The following LYPD8 variants were observed in gnomAD, a reference collection of about 807,000 sequenced individuals.
LYPD8 encodes the protein ly6/PLAUR domain-containing protein 8.
Under a neutral mutation model 1.7 loss-of-function variants are expected in LYPD8, and 8 were observed. The ratio of observed to expected loss-of-function variants is 4.58; its 90% CI spans 2.69 to 8.27. The LOEUF is 8.27. Among genes scored for constraint, LYPD8 ranks in the 30% most tolerant of loss-of-function variants. The pLI, the probability that LYPD8 is intolerant of heterozygous loss-of-function variation, is 0.00. For missense variants in LYPD8, 112 were observed against 102.3 expected (o/e 1.09, Z -0.41); for synonymous variants, 50 against 43.6 (o/e 1.15, Z -0.58).
At chr1:248,753,557 C>T (rs1427103246) in intron 2 of LYPD8, among the ~76,000 whole-genome samples, 15 of 107,978 alleles carry the variant, frequency 1.4e-4, no homozygotes, top group African/African-American at 5.6e-4. Flanking sequence ...CAAAACACAT[C>T]ACACACACAA....
In LYPD8 at chr1:248,752,633, A is replaced by T. The variant is rs1453938418; in HGVS notation, c.-49-1503T>A. ...CACACACATCACACACACACACCAC[A>T]CACCCCACACAACACACAACACACA... On this transcript the variant is annotated intron_variant, in intron 2 of 6. Transcript: ENST00000590317. Among the ~76,000 whole-genome samples the T allele has an allele frequency of 3.0e-5, 3 of 100,266 alleles. No individual in the cohort carries two copies. In the Admixed American group the frequency reaches 3.5e-4, roughly 12 times the overall value. The allele number at this position is 100,266 out of a possible 152,430, so 65.8% of individuals were successfully genotyped here.
intron 4 of LYPD8, among the ~76,000 whole-genome samples, chr1:248,749,929 A>C (rs1054350233): frequency 6.6e-6 from 1 of 152,152 alleles, no homozygotes; most frequent in South Asian, 2.1e-4. Context: ...TAGTAAAAAA[A>C]AAAACTATAG....
intron 6 of LYPD8, among the ~76,000 whole-genome samples, chr1:248,742,253 G>A (rs1662618159): frequency 7.6e-6 from 1 of 132,418 alleles, no homozygotes; most frequent in Admixed American, 7.6e-5. Flanking sequence ...GCAGCCGGGG[G>A]AGGTTACGCT....
intron 6 of LYPD8, among the ~76,000 whole-genome samples, chr1:248,741,968 G>C (rs1010033842): frequency 6.6e-6 from 1 of 152,182 alleles, no homozygotes; most frequent in Non-Finnish European, 1.5e-5. Context: ...GGATGCGTAG[G>C]TAGAGCATAG....
chr1:248,745,340 G>T (rs1662712684), intron 5 of LYPD8, 61 bp from the exon 6 acceptor site: 5 of 397,806 alleles, frequency 1.3e-5, no homozygotes, highest in Non-Finnish European at 1.3e-5. Context: ...GGAGGAAGGG[G>T]ATAGGCAAGC....
At chr1:248,752,939 C>CACACAAACACACCACATCACACA (rs1662840698) in intron 2 of LYPD8, among the ~76,000 whole-genome samples, 55 of 101,196 alleles carry the variant, frequency 5.4e-4, no homozygotes, top group African/African-American at 2.4e-3. Context: ...CACACACACA[C>CACACAAACACACCACATCACACA]CACATCACAC....
rs1553283086 is a variant in LYPD8 at position 248,739,778 on chromosome 1, C to A, written c.547G>T (p.Gly183Cys). ...ACTCCTCCAAGAGTCTTGTTTTCACCAGACAGGAACTGACAGGTGGCGTTA... is the reference window on the plus strand; with the variant it reads ...ACTCCTCCAAGAGTCTTGTTTTCACAAGACAGGAACTGACAGGTGGCGTTA... Reference protein sequence around the residue: ...VSNATCQFLSGENKTLGGVIF... With the variant: ...VSNATCQFLSCENKTLGGVIF... The change falls in exon 7 of 7, where the codon GGT becomes TGT. Residue 183 changes from glycine (G) to cysteine (C), a missense_variant. Coordinates refer to ENST00000590317, the MANE Select transcript of LYPD8 (RefSeq NM_001085474.2). The surrounding 1 kb of genome is among the most constrained non-coding windows in gnomAD (Gnocchi z 4.3). The A allele has an allele frequency of 6.4e-7, 1 of 1,551,622 alleles. No individual in the cohort carries two copies.
intron 2 of LYPD8, among the ~76,000 whole-genome samples, chr1:248,754,442 C>T (rs1036530241): frequency 5.3e-5 from 8 of 150,630 alleles, no homozygotes; most frequent in East Asian, 2.0e-4. Flanking sequence ...ACCTCACACA[C>T]GTCAAACAAA....
At position 248,742,747 on chromosome 1, in the gene LYPD8, G is replaced by A. The variant is rs564541676; in HGVS notation, c.475+2395C>T. ...TGGTGGGGATGTTGGCAGCCGGGGA[G>A]ATTATGCTCTGGTGGGGATGTTGGC... is the stretch of plus-strand genomic sequence containing the variant. On this transcript the variant is annotated intron_variant, in intron 6 of 6. Coordinates refer to ENST00000590317, the MANE Select transcript of LYPD8 (RefSeq NM_001085474.2). 1.7e-3 allele frequency among the ~76,000 whole-genome samples: 154 copies of A among 91,840 alleles called. 5 individuals are homozygous for A. Among genetic ancestry groups the A allele is most frequent in the African/African-American group, 9.2e-3 (150 of 16,290 alleles). 60.3% of individuals were successfully genotyped at this position (91,840 alleles called of 152,430 possible). A position where few individuals can be genotyped will look rare whatever the true frequency, so the allele number is the denominator to read the frequency against.
chr1:248,743,196 G>A (rs1397118961), intron 6 of LYPD8, among the ~76,000 whole-genome samples: 1 of 152,164 alleles, frequency 6.6e-6, no homozygotes, highest in Non-Finnish European at 1.5e-5. Flanking sequence ...TGGGTGCTGT[G>A]GCTCACACCT....
chr1:248,753,559 C>G (rs1662870544), intron 2 of LYPD8, among the ~76,000 whole-genome samples: 3 of 118,122 alleles, frequency 2.5e-5, no homozygotes, highest in African/African-American at 1.0e-4. Flanking sequence ...AAACACATCA[C>G]ACACACAACA....
chr1:248,746,586 CCCGCACGG>C (rs1662730289), intron 5 of LYPD8, among the ~76,000 whole-genome samples: 1 of 150,218 alleles, frequency 6.7e-6, no homozygotes, highest in Non-Finnish European at 1.5e-5. Flanking sequence ...CAGGGCATCG[CCCGCACGG>C]CCAGCACCCA....
In LYPD8 at chr1:248,754,272, CACACA is replaced by C. The variant is rs1250113706; in HGVS notation, c.-50+962_-50+966del. Among the ~76,000 whole-genome samples the C allele has an allele frequency of 4.7e-4, 72 of 151,580 alleles. 2 individuals carry two copies. In the East Asian group the frequency reaches 0.013, roughly 27 times the overall value. On this transcript the variant is annotated intron_variant, in intron 2 of 6. Transcript: ENST00000590317. ...CCACACATAAGTCACACACATCACA[CACACA>C]ACACACCATGCGCTAAATACATCAC... is the stretch of plus-strand genomic sequence containing the variant.
In LYPD8 at chr1:248,741,351, C is replaced by T. The variant is rs143330238; in HGVS notation, c.476-1502G>A. 3.7e-3 allele frequency among the ~76,000 whole-genome samples: 559 copies of T among 152,238 alleles called. 2 individuals carry two copies. The highest frequency in any genetic ancestry group is 0.013 in the African/African-American group (533 of 41,544). ...CCCCCTGAGTAGTACGGACTACAGG[C>T]GCGTGCCACCACATCTGGCTAATTT... On this transcript the variant is annotated intron_variant, in intron 6 of 6. Coordinates refer to ENST00000590317, the MANE Select transcript of LYPD8 (RefSeq NM_001085474.2).
chr1:248,752,848 CACA>C (rs1662835412), intron 2 of LYPD8, among the ~76,000 whole-genome samples: 1 of 120,868 alleles, frequency 8.3e-6, no homozygotes, highest in Non-Finnish European at 1.7e-5. Context: ...CCCACACACA[CACA>C]CCACACCACA....
chr1:248,743,864 G>C (rs1333353629), intron 6 of LYPD8, among the ~76,000 whole-genome samples: 1 of 152,250 alleles, frequency 6.6e-6, no homozygotes, highest in African/African-American at 2.4e-5. Flanking sequence ...GTGGGGGCCA[G>C]AGCTACAAGA....
chr1:248,745,713 A>G (rs1662717935), intron 5 of LYPD8, among the ~76,000 whole-genome samples: 1 of 152,188 alleles, frequency 6.6e-6, no homozygotes, highest in Non-Finnish European at 1.5e-5. Context: ...CTCTGCTCTT[A>G]ATTAACTGTG....
intron 2 of LYPD8, among the ~76,000 whole-genome samples, chr1:248,751,540 T>C (rs903147122): frequency 6.6e-6 from 1 of 152,128 alleles, no homozygotes. Context: ...TATTTTACAC[T>C]TAAGGGTTCT....
intron 2 of LYPD8, among the ~76,000 whole-genome samples, chr1:248,753,775 A>G (rs954311875): frequency 8.5e-4 from 128 of 150,100 alleles, no homozygotes; most frequent in Non-Finnish European, 1.7e-3. Flanking sequence ...CATCACACAC[A>G]CACCACACAT....
Sources: gnomAD v4.1 joint callset for allele counts (sites outside exome capture counted in the v4.1 genomes callset) on GRCh38, gnomAD v4.1.1 for gene constraint, Gnocchi (gnomAD v3.1) non-coding constraint, MANE v1.5 for transcripts, NCBI Gene and HGNC (gene_info 2026-07-23, HGNC 2026-07-21) for gene names.